SMAP1: variants seen among roughly 807,000 people sequenced by gnomAD.
SMAP1 encodes the protein stromal membrane-associated protein 1.
A neutral mutation model predicts 58.5 loss-of-function variants in SMAP1; 24 were observed. The ratio of observed to expected loss-of-function variants is 0.41; its 90% CI spans 0.30 to 0.58. The LOEUF (loss-of-function observed/expected upper bound fraction) is 0.58. Ranked by LOEUF, SMAP1 falls within the 20% of genes least tolerant of loss-of-function variation. SMAP1 has a pLI of 0.29. For missense variants in SMAP1, 563 were observed against 566.3 expected (o/e 0.99, Z 0.06); for synonymous variants, 216 against 196.6 (o/e 1.10, Z -0.82).
chr6:70,755,607 T>C (rs1766454531), intron 3 of SMAP1, among the ~76,000 whole-genome samples: 2 of 152,004 alleles, frequency 1.3e-5, no homozygotes, highest in African/African-American at 4.8e-5. Flanking sequence ...ACTTAAAATA[T>C]TTTCAACTTA....
At chr6:70,764,019 C>T (rs369304132) in intron 3 of SMAP1, among the ~76,000 whole-genome samples, 4 of 151,940 alleles carry the variant, frequency 2.6e-5, no homozygotes, top group African/African-American at 7.3e-5. Context: ...CTCAAGCGAT[C>T]GTTCTGCCTC....
At chr6:70,862,003 AG>A (rs773828710), downstream of SMAP1, 9 of 1,545,970 alleles carry the variant, frequency 5.8e-6, no homozygotes, top group African/African-American at 7.3e-5. Context: ...AAAAAAAAAA[AG>A]AGACTTTAAA....
intron 1 of SMAP1, among the ~76,000 whole-genome samples, chr6:70,697,910 C>G (rs951099160): frequency 1.3e-5 from 2 of 152,130 alleles, no homozygotes; most frequent in Admixed American, 6.5e-5. Flanking sequence ...ATCTCTTGGC[C>G]TTTCTACTCA....
At chr6:70,694,211 G>T in intron 1 of SMAP1, 3 of 283,262 alleles carry the variant, frequency 1.1e-5, no homozygotes, top group Non-Finnish European at 6.9e-6. Flanking sequence ...GATGGATAAG[G>T]CATCTCAAGA....
chr6:70,703,239 A>T (rs1188127896), intron 1 of SMAP1, among the ~76,000 whole-genome samples: 3 of 151,800 alleles, frequency 2.0e-5, no homozygotes, highest in African/African-American at 7.3e-5. Context: ...ACCATGCTCA[A>T]CTAATTTTTG....
intron 3 of SMAP1, among the ~76,000 whole-genome samples, chr6:70,757,132 C>T (rs989459129): frequency 5.3e-5 from 8 of 151,954 alleles, no homozygotes; most frequent in Non-Finnish European, 1.0e-4. Flanking sequence ...TACAAGGCTA[C>T]AGTAACCAAA....
At chr6:70,727,133 C>T (rs1013571626) in intron 1 of SMAP1, among the ~76,000 whole-genome samples, 42 of 151,906 alleles carry the variant, frequency 2.8e-4, no homozygotes, top group Admixed American at 1.0e-3. Context: ...TTAAAGACAG[C>T]GTCTCCCTCT....
chr6:70,817,517 T>C (rs1311997326), intron 6 of SMAP1, among the ~76,000 whole-genome samples: 1 of 152,166 alleles, frequency 6.6e-6, no homozygotes, highest in Non-Finnish European at 1.5e-5. Flanking sequence ...CAAACACAGC[T>C]GTGGACTAAG....
intron 1 of SMAP1, among the ~76,000 whole-genome samples, chr6:70,701,357 T>C (rs1296186338): frequency 1.3e-5 from 2 of 152,218 alleles, no homozygotes; most frequent in Non-Finnish European, 2.9e-5. Flanking sequence ...TGAGCCACCA[T>C]GCCTGGCCTG....
chr6:70,858,302 T>A, intron 10 of SMAP1, 73 bp downstream of exon 10: 1 of 1,332,054 alleles, frequency 7.5e-7, no homozygotes, highest in African/African-American at 1.5e-5. Context: ...TTTTTTTTTT[T>A]TTTTTTTTTT....
chr6:70,678,711 GTTTTC>G (rs1182344160), intron 1 of SMAP1, among the ~76,000 whole-genome samples: 1 of 152,166 alleles, frequency 6.6e-6, no homozygotes, highest in East Asian at 1.9e-4. Context: ...GGGAGAATCT[GTTTTC>G]TTTTCCAGCT....
At chr6:70,857,060 A>G (rs773838691) in intron 9 of SMAP1, 30 bp downstream of exon 9, 2 of 1,569,434 alleles carry the variant, frequency 1.3e-6, no homozygotes, top group Non-Finnish European at 1.7e-6. Context: ...GCTTTCAGTG[A>G]CATTACTAGA....
intron 7 of SMAP1, among the ~76,000 whole-genome samples, chr6:70,847,576 A>C: frequency 6.6e-6 from 1 of 151,788 alleles, no homozygotes; most frequent in African/African-American, 2.4e-5. Context: ...GCATTGTCCT[A>C]ATTTCTTCTG....
chr6:70,855,296 A>G (rs1330957717), intron 8 of SMAP1, among the ~76,000 whole-genome samples: 6 of 152,112 alleles, frequency 3.9e-5, no homozygotes, highest in African/African-American at 1.4e-4. Flanking sequence ...ACCAGAAAGT[A>G]AGTGGACATT....
intron 7 of SMAP1, among the ~76,000 whole-genome samples, chr6:70,848,570 G>C (rs1650621891): frequency 6.6e-6 from 1 of 152,118 alleles, no homozygotes; most frequent in Non-Finnish European, 1.5e-5. Flanking sequence ...AAAGGTGAAG[G>C]ACATTGAGGA....
Position 70,860,389 on chromosome 6 carries a change from G to T in SMAP1, c.*55G>T. 1.3e-6 allele frequency: 2 copies of T among 1,561,676 alleles called. No homozygotes were observed. The highest frequency in any genetic ancestry group is 1.2e-5 in the South Asian group (1 of 81,732). ...ACCACCTGACATTCCTTGCTGAAAC[G>T]CATCTAGTTCCCCTGTTTATTCATA... On this transcript the variant is annotated 3_prime_UTR_variant, in exon 11 of 11. Coordinates refer to ENST00000370455, the MANE Select transcript of SMAP1 (RefSeq NM_001044305.3).
At chr6:70,720,553 A>G (rs538742544) in intron 1 of SMAP1, among the ~76,000 whole-genome samples, 17 of 152,152 alleles carry the variant, frequency 1.1e-4, no homozygotes, top group Non-Finnish European at 1.9e-4. Context: ...CCCTACCACA[A>G]TGCCCTAGCA....
intron 2 of SMAP1, 114 bp downstream of exon 2, chr6:70,732,625 G>A: frequency 1.2e-6 from 1 of 853,984 alleles, no homozygotes; most frequent in East Asian, 3.2e-5. Flanking sequence ...TGTTGAAATG[G>A]CATATGCCAC....
chr6:70,803,541 T>A (rs1049722915), intron 6 of SMAP1, among the ~76,000 whole-genome samples: 146 of 152,342 alleles, frequency 9.6e-4, no homozygotes, highest in African/African-American at 3.3e-3. Flanking sequence ...TACTAGCTTT[T>A]GAATTTGTTT....
Sources: gnomAD v4.1 joint callset for allele counts (sites outside exome capture counted in the v4.1 genomes callset) on GRCh38, gnomAD v4.1.1 for gene constraint, MANE v1.5 for transcripts, NCBI Gene and HGNC (gene_info 2026-07-23, HGNC 2026-07-21) for gene names.